MMRN1: variants seen among roughly 807,000 people sequenced by gnomAD.
MMRN1 encodes the protein multimerin 1, also known as multimerin-1.
A neutral mutation model predicts 100.7 loss-of-function variants in MMRN1; 94 were observed. The observed-to-expected ratio is 0.93, with a 90% CI of 0.79 to 1.11. The LOEUF (loss-of-function observed/expected upper bound fraction) is 1.11, where lower values mean the gene tolerates loss of function less well. Ranked by LOEUF, MMRN1 falls within the 50% of genes least tolerant of loss-of-function variation. The pLI is 0.00. For missense variants in MMRN1, 1,606 were observed against 1,439.1 expected (o/e 1.12, Z -1.88); for synonymous variants, 575 against 505.0 (o/e 1.14, Z -1.86).
chr4:89,951,495 T>C, intron 6 of MMRN1, 110 bp from the exon 7 acceptor site: 4 of 1,183,602 alleles, frequency 3.4e-6, no homozygotes, highest in Non-Finnish European at 4.4e-6. Flanking sequence ...AGCCCATTTT[T>C]CTTACTTAAA....
At chr4:89,918,640 T>G (rs1258429363) in intron 3 of MMRN1, among the ~76,000 whole-genome samples, 1 of 151,962 alleles carries the variant, frequency 6.6e-6, no homozygotes, top group Non-Finnish European at 1.5e-5. Context: ...TTCAAGTGTT[T>G]ACTTGATAAC....
chr4:89,906,692 A>G (rs1721574793), intron 1 of MMRN1, among the ~76,000 whole-genome samples: 1 of 151,514 alleles, frequency 6.6e-6, no homozygotes, highest in Non-Finnish European at 1.5e-5. Flanking sequence ...CTTTAAAATT[A>G]TATTTACATT....
chr4:89,942,279 TA>T (rs1161676938), intron 6 of MMRN1, among the ~76,000 whole-genome samples: 4 of 152,172 alleles, frequency 2.6e-5, no homozygotes, highest in Admixed American at 1.3e-4. Context: ...AACTTGTCTG[TA>T]AATTAAATGC....
intron 6 of MMRN1, among the ~76,000 whole-genome samples, chr4:89,941,373 T>A (rs1242933531): frequency 6.6e-6 from 1 of 152,192 alleles, no homozygotes; most frequent in African/African-American, 2.4e-5. Flanking sequence ...TGGAGAAATT[T>A]AGGCACAGGA....
At chr4:89,920,981 G>A (rs1350236965) in intron 3 of MMRN1, among the ~76,000 whole-genome samples, 2 of 152,014 alleles carry the variant, frequency 1.3e-5, no homozygotes, top group African/African-American at 2.4e-5. Context: ...ATTCTAATGG[G>A]ATGTAAAGAA....
chr4:89,947,314 C>A (rs1421261470), intron 6 of MMRN1, among the ~76,000 whole-genome samples: 1 of 152,012 alleles, frequency 6.6e-6, no homozygotes, highest in Non-Finnish European at 1.5e-5. Context: ...TAAATAGATT[C>A]ATGTCTCTAG....
intron 6 of MMRN1, among the ~76,000 whole-genome samples, chr4:89,939,240 C>T (rs1475094832): frequency 6.6e-6 from 1 of 152,070 alleles, no homozygotes; most frequent in Non-Finnish European, 1.5e-5. Context: ...CCACATTGCT[C>T]TCCCACATAA....
chr4:89,930,199 A>G (rs1267017276), intron 5 of MMRN1, among the ~76,000 whole-genome samples: 1 of 152,206 alleles, frequency 6.6e-6, no homozygotes, highest in African/African-American at 2.4e-5. Flanking sequence ...ATGCTTGTTT[A>G]GTAACAAATT....
In MMRN1 at chr4:89,953,533, G is replaced by GT. The variant is rs984049038; in HGVS notation, c.*122dup. ...TTCTACAGGAAATGAAAATCAACTT[G>GT]TTTTTTTAATATGAGTAAACTTGTA... On this transcript the variant is annotated 3_prime_UTR_variant, in exon 8 of 8. Coordinates refer to ENST00000264790, the MANE Select transcript of MMRN1 (RefSeq NM_007351.3). 52 of 877,952 alleles carry GT rather than the reference G, an allele frequency of 5.9e-5. No individual in the cohort carries two copies. The African/African-American group carries it at 8.1e-4, about 14-fold the overall frequency. 54.4% of individuals were successfully genotyped at this position (877,952 alleles called of 1,614,324 possible).
intron 6 of MMRN1, among the ~76,000 whole-genome samples, chr4:89,945,013 A>G (rs1456776026): frequency 6.6e-6 from 1 of 152,144 alleles, no homozygotes; most frequent in African/African-American, 2.4e-5. Flanking sequence ...TTGTAGTCAA[A>G]CCTGTTCCTA....
intron 1 of MMRN1, chr4:89,879,626 A>T (rs902782110): frequency 1.3e-5 from 2 of 152,210 alleles, no homozygotes; most frequent in South Asian, 2.1e-4. Context: ...ATAATTTTTT[A>T]AATTAACATT....
At chr4:89,900,170 G>A (rs1274938211) in intron 1 of MMRN1, among the ~76,000 whole-genome samples, 1 of 152,050 alleles carries the variant, frequency 6.6e-6, no homozygotes, top group African/African-American at 2.4e-5. Flanking sequence ...ACTGCTATCT[G>A]ACCACTAGTG....
chr4:89,927,013 T>A (rs182078475), intron 4 of MMRN1, among the ~76,000 whole-genome samples: 1 of 152,160 alleles, frequency 6.6e-6, no homozygotes, highest in Non-Finnish European at 1.5e-5. Flanking sequence ...TACCATACTG[T>A]TTTGGTTACT....
intron 1 of MMRN1, among the ~76,000 whole-genome samples, chr4:89,882,587 A>C (rs1268092431): frequency 6.6e-6 from 1 of 151,904 alleles, no homozygotes; most frequent in African/African-American, 2.4e-5. Context: ...AGTTCAATTT[A>C]AGTTGACTCT....
At chr4:89,923,540 C>T (rs936285441) in intron 4 of MMRN1, among the ~76,000 whole-genome samples, 1 of 152,208 alleles carries the variant, frequency 6.6e-6, no homozygotes, top group East Asian at 1.9e-4. Context: ...AAGGAAACCA[C>T]AGTTTTCCAA....
At chr4:89,909,212 A>C (rs1239094519) in intron 1 of MMRN1, 64 bp from the exon 2 acceptor site, 1 of 1,518,572 alleles carries the variant, frequency 6.6e-7, no homozygotes, top group Non-Finnish European at 8.9e-7. Flanking sequence ...TGTGAAAATA[A>C]TTTTGATGAA....
chr4:89,937,669 G>T (rs1461534818), intron 6 of MMRN1, among the ~76,000 whole-genome samples: 1 of 152,004 alleles, frequency 6.6e-6, no homozygotes, highest in Non-Finnish European at 1.5e-5. Flanking sequence ...ATTTGCTGAG[G>T]TGCTTAGTAG....
intron 4 of MMRN1, among the ~76,000 whole-genome samples, chr4:89,925,309 T>C (rs991327465): frequency 1.5e-5 from 2 of 134,484 alleles, no homozygotes; most frequent in Non-Finnish European, 3.2e-5. Flanking sequence ...TTAATTTTTT[T>C]TTTTTTTTTT....
chr4:89,943,939 G>A (rs1162999453), intron 6 of MMRN1, among the ~76,000 whole-genome samples: 2 of 151,490 alleles, frequency 1.3e-5, no homozygotes, highest in Non-Finnish European at 2.9e-5. Flanking sequence ...CCGAGATCAT[G>A]CCACTGCACT....
Sources: gnomAD v4.1 joint callset for allele counts (sites outside exome capture counted in the v4.1 genomes callset) on GRCh38, gnomAD v4.1.1 for gene constraint, MANE v1.5 for transcripts, NCBI Gene and HGNC (gene_info 2026-07-23, HGNC 2026-07-21) for gene names.